Variants in HECW2 observed in about 807,000 individuals in gnomAD.
HECW2 encodes the protein E3 ubiquitin-protein ligase HECW2.
Under a neutral mutation model 175.2 loss-of-function variants are expected in HECW2, and 61 were observed. That is an observed-to-expected ratio of 0.35 (90% CI 0.28 to 0.43). The LOEUF is 0.43. Among genes scored for constraint, HECW2 ranks in the 20% least tolerant of loss-of-function variants. HECW2 has a pLI of 1.00. For missense variants in HECW2, 1,524 were observed against 2,000.5 expected (o/e 0.76, Z 4.54); for synonymous variants, 671 against 731.0 (o/e 0.92, Z 1.32).
At chr2:196,313,534 C>T (rs1028976848) in intron 10 of HECW2, among the ~76,000 whole-genome samples, 1 of 152,166 alleles carries the variant, frequency 6.6e-6, no homozygotes, top group African/African-American at 2.4e-5. Context: ...ACCAAGGCCA[C>T]AGTGCACTCT....
At chr2:196,311,066 C>T (rs1484169930) in intron 10 of HECW2, among the ~76,000 whole-genome samples, 2 of 152,208 alleles carry the variant, frequency 1.3e-5, no homozygotes, top group Non-Finnish European at 2.9e-5. Context: ...CCCTGAGGGA[C>T]AGGGCTCCAC....
chr2:196,225,700 A>G (rs998999795), intron 23 of HECW2, 72 bp downstream of exon 23: 3 of 912,744 alleles, frequency 3.3e-6, no homozygotes, highest in African/African-American at 3.4e-5. Context: ...TGACTTTGAC[A>G]GAAGAATTTT....
chr2:196,253,286 C>T (rs1158646947), intron 19 of HECW2, among the ~76,000 whole-genome samples: 1 of 152,230 alleles, frequency 6.6e-6, no homozygotes, highest in Non-Finnish European at 1.5e-5. Context: ...GACCTATATA[C>T]ATCTGCTATT....
chr2:196,336,991 A>C (rs988597506), intron 3 of HECW2, among the ~76,000 whole-genome samples: 2 of 148,656 alleles, frequency 1.3e-5, no homozygotes, highest in African/African-American at 5.1e-5. Flanking sequence ...TAGGGATGAA[A>C]ACTAGCTGGA....
chr2:196,319,265 G>A lies in HECW2; in HGVS notation c.1625C>T (p.Pro542Leu), dbSNP rs748860866. ...NLPELAESSL[P>L]AGPAPEEGEG... is the part of the protein sequence containing the mutation. ...ACCTTCCTCTGGGGCTGGGCCTGCA[G>A]GTAAGGAGCTCTCTGCAAGCTCTGG... The change falls in exon 9 of 29, where the codon CCT becomes CTT. Residue 542 changes from proline (P) to leucine (L), a missense_variant. Around this residue, in one of 11 missense-constraint regions of HECW2, gnomAD observed 604 missense variants for 588.3 expected, o/e 1.03. Transcript: ENST00000644978. 6.2e-7 allele frequency: 1 copy of A among 1,606,818 alleles called. No homozygotes were observed.
intron 1 of HECW2, among the ~76,000 whole-genome samples, chr2:196,543,769 C>T (rs990130576): frequency 3.3e-5 from 5 of 152,150 alleles, no homozygotes; most frequent in East Asian, 1.9e-4. Flanking sequence ...CGTGCCACCA[C>T]GCCCAGCTAA....
rs1411412476 is a variant in HECW2 at position 196,320,308 on chromosome 2, A to G, written c.985+31T>C. On this transcript the variant is annotated intron_variant, in intron 8 of 28. Coordinates refer to ENST00000644978, the MANE Select transcript of HECW2 (RefSeq NM_001348768.2). ...GGTTTAACAAGTTTTTCCTATAGCA[A>G]TGTATTCATACAGATATATTTATAT... is the stretch of plus-strand genomic sequence containing the variant. 3 of 1,289,588 alleles carry G rather than the reference A, an allele frequency of 2.3e-6. No individual in the cohort carries two copies. The East Asian group carries it at 7.0e-5, about 30-fold the overall frequency. 79.9% of individuals were successfully genotyped at this position (1,289,588 alleles called of 1,614,324 possible). A position where few individuals can be genotyped will look rare whatever the true frequency, so the allele number is the denominator to read the frequency against.
chr2:196,278,421 A>G, intron 15 of HECW2, 107 bp downstream of exon 15: 1 of 1,350,024 alleles, frequency 7.4e-7, no homozygotes. Flanking sequence ...AACTCAAAAA[A>G]AAAAAAAAGA....
At chr2:196,429,920 C>A (rs559513039) in intron 2 of HECW2, among the ~76,000 whole-genome samples, 1 of 152,110 alleles carries the variant, frequency 6.6e-6, no homozygotes, top group Admixed American at 6.5e-5. Context: ...AAAGAAATGA[C>A]CAAGGCTTTA....
chr2:196,243,066 C>A (rs13032477), intron 19 of HECW2, among the ~76,000 whole-genome samples: 31,711 of 152,070 alleles, frequency 0.21, 4,067 homozygotes, highest in East Asian at 0.44. Flanking sequence ...TCTCATATTG[C>A]AGGGTAAAAT....
intron 7 of HECW2, among the ~76,000 whole-genome samples, chr2:196,321,510 G>A (rs956474532): frequency 2.0e-5 from 3 of 150,638 alleles, no homozygotes; most frequent in Non-Finnish European, 4.4e-5. Context: ...AATTCTCCCA[G>A]CTTCAGCCTC....
intron 1 of HECW2, among the ~76,000 whole-genome samples, chr2:196,514,819 C>T (rs746542574): frequency 6.6e-6 from 1 of 152,226 alleles, no homozygotes; most frequent in Non-Finnish European, 1.5e-5. Flanking sequence ...AAGCTCCTCT[C>T]TGCCTTGCTC....
At chr2:196,583,753 A>G (rs190106310) in intron 1 of HECW2, among the ~76,000 whole-genome samples, 6 of 152,324 alleles carry the variant, frequency 3.9e-5, no homozygotes, top group Admixed American at 3.3e-4. Flanking sequence ...GAAGAAATAG[A>G]TGGTTCCTTT....
intron 1 of HECW2, among the ~76,000 whole-genome samples, chr2:196,475,843 A>G (rs1686584595): frequency 6.6e-6 from 1 of 152,254 alleles, no homozygotes; most frequent in Non-Finnish European, 1.5e-5. Flanking sequence ...ATCAGAAGGA[A>G]GGACAGTTTC....
At chr2:196,265,312 C>A (rs1689468788) in intron 17 of HECW2, among the ~76,000 whole-genome samples, 1 of 152,148 alleles carries the variant, frequency 6.6e-6, no homozygotes, top group Non-Finnish European at 1.5e-5. Context: ...TGGTGAAACC[C>A]CATCTCTACT....
At chr2:196,429,617 G>C (rs1197356868) in intron 2 of HECW2, among the ~76,000 whole-genome samples, 2 of 152,172 alleles carry the variant, frequency 1.3e-5, no homozygotes, top group Admixed American at 6.6e-5. Context: ...TCAGACATTG[G>C]AAAACAGATG....
intron 2 of HECW2, among the ~76,000 whole-genome samples, chr2:196,377,577 C>T (rs967782553): frequency 2.0e-5 from 3 of 152,190 alleles, no homozygotes; most frequent in Non-Finnish European, 4.4e-5. Flanking sequence ...ATGGGAAAGA[C>T]CCACCTCCAC....
chr2:196,590,824 G>A (rs943269173), intron 1 of HECW2, among the ~76,000 whole-genome samples: 4 of 152,194 alleles, frequency 2.6e-5, no homozygotes, highest in Admixed American at 1.3e-4. Flanking sequence ...CCTTTTAAAA[G>A]AGTAAGAAAA....
intron 2 of HECW2, among the ~76,000 whole-genome samples, chr2:196,353,476 A>C (rs545669873): frequency 2.6e-5 from 4 of 152,190 alleles, no homozygotes; most frequent in Non-Finnish European, 5.9e-5. Context: ...AATTTTGTCT[A>C]TTCTGTTTAC....
Sources: allele counts gnomAD v4.1 joint callset (sites outside exome capture counted in the v4.1 genomes callset), GRCh38; gene constraint gnomAD v4.1.1; regional missense constraint gnomAD v4.1.1; transcripts MANE v1.5; gene names NCBI Gene and HGNC (gene_info 2026-07-23, HGNC 2026-07-21).